ZCCHC8: variants seen among roughly 807,000 people sequenced by gnomAD.
ZCCHC8 encodes zinc finger CCHC domain-containing protein 8.
Under a neutral mutation model 70.6 loss-of-function variants are expected in ZCCHC8, and 27 were observed. The ratio of observed to expected loss-of-function variants is 0.38; its 90% confidence interval spans 0.28 to 0.53. The LOEUF (loss-of-function observed/expected upper bound fraction) is 0.53, where lower values mean the gene tolerates loss of function less well. Among genes scored for constraint, ZCCHC8 ranks in the 20% least tolerant of loss-of-function variants. ZCCHC8 has a pLI of 0.81. For missense variants in ZCCHC8, 737 were observed against 876.9 expected (o/e 0.84, Z 2.01); for synonymous variants, 293 against 317.4 (o/e 0.92, Z 0.82).
rs1158994437 is a variant in ZCCHC8 at position 122,482,084 on chromosome 12, G to A, written c.736C>T (p.Arg246Trp). Residue 246 changes from arginine to tryptophan, a missense_variant, in exon 9 of 14, where the codon CGG (arginine) becomes TGG (tryptophan). Transcript: ENST00000633063. The stretch of plus-strand genomic sequence containing the variant: ...TTTTCACTTATTCGAGCAGCATTCC[G>A]AGGCTACATCATGACACATTTGAAA... ...EHQMKDCPMP[R>W]NAARISEKRK... 5.6e-6 allele frequency: 9 copies of A among 1,605,934 alleles called. No homozygotes were observed. The highest frequency in any genetic ancestry group is 2.7e-5 in the African/African-American group (2 of 74,788).
chr12:122,478,269 T>C lies in ZCCHC8; in HGVS notation c.1164A>G (p.Ile388Met). The part of the protein sequence containing the change: ...IPDEWRIFGS[I>M]PMQACQQKDV... ...CCTTCTGCTGACATGCCTGCATTGG[T>C]ATGGAACCAAAGATCCTCCATTCCT... The change falls in exon 12 of 14, where the codon ATA (isoleucine) becomes ATG (methionine). Residue 388 changes from isoleucine to methionine, a missense_variant. Physicochemically the swap from Ile to Met is conservative, Grantham distance 10. Coordinates refer to ENST00000633063, the MANE Select transcript of ZCCHC8 (RefSeq NM_017612.5). The C allele has an allele frequency of 6.3e-7, 1 of 1,599,754 alleles. No homozygotes were observed. Among genetic ancestry groups the C allele is most frequent in the Non-Finnish European group, 8.5e-7 (1 of 1,173,120 alleles).
chr12:122,483,413 C>CT lies in ZCCHC8; in HGVS notation c.605+46dup. On this transcript the variant is annotated intron_variant, in intron 6 of 13. Transcript: ENST00000633063. The surrounding 1 kb of genome is among the most constrained non-coding windows in gnomAD (Gnocchi z 4.4). ...ATTTGGAAATTGTTTTAAAGGTGAA[C>CT]TTAGTGGCAAGATGCATAAAAGATC... 6.4e-7 allele frequency: 1 copy of CT among 1,569,884 alleles called. No homozygotes were observed. The highest frequency in any genetic ancestry group is 8.7e-7 in the Non-Finnish European group (1 of 1,155,318).
intron 5 of ZCCHC8, among the ~76,000 whole-genome samples, chr12:122,484,473 C>A (rs1051142035): frequency 4.7e-5 from 7 of 150,430 alleles, no homozygotes; most frequent in Non-Finnish European, 8.8e-5. Context: ...AATGCAGTGG[C>A]ATGATCTTGG....
Position 122,474,191 on chromosome 12 carries a change from C to T in ZCCHC8, c.1430G>A (p.Arg477Gln), listed in dbSNP as rs767163063. 1.9e-5 allele frequency: 28 copies of T among 1,510,450 alleles called. No individual in the cohort carries two copies. Among genetic ancestry groups the T allele is most frequent in the South Asian group, 1.4e-4 (10 of 70,494 alleles). 93.6% of individuals were successfully genotyped at this position (1,510,450 alleles called of 1,614,324 possible). A position where few individuals can be genotyped will look rare whatever the true frequency, so the allele number is the denominator to read the frequency against. Residue 477 changes from arginine to glutamine, a missense_variant, in exon 14 of 14, where the codon CGG becomes CAG. Transcript: ENST00000633063. ...PLPPDTPPLP[R>Q]GTPPPVFTPP... ...GGTGAAGACGGGTGGAGGAGTTCCC[C>T]GGGGGAGTGGAGGAGTGTCAGGAGG...
chr12:122,494,634 T>C (rs551386187), intron 2 of ZCCHC8, among the ~76,000 whole-genome samples: 4 of 151,212 alleles, frequency 2.6e-5, no homozygotes, highest in Non-Finnish European at 5.9e-5. Flanking sequence ...GGCGGGTGGA[T>C]CACAAGGTCA....
At chr12:122,492,416 T>C (rs912633556) in intron 3 of ZCCHC8, among the ~76,000 whole-genome samples, 1 of 152,222 alleles carries the variant, frequency 6.6e-6, no homozygotes, top group Non-Finnish European at 1.5e-5. Flanking sequence ...GAGGTGCTCA[T>C]GTAGCTACCC....
rs1274115772 is a variant in ZCCHC8, at chr12:122,498,844, G to A, written c.225C>T (p.Asn75=). 1 of 1,613,318 alleles carries A rather than the reference G, an allele frequency of 6.2e-7. No individual in the cohort carries two copies. The highest frequency in any genetic ancestry group is 2.2e-5 in the East Asian group (1 of 44,816). ...TCTCATACCTCGGTCGAGTCAGAATGTTCAATTTTCGTTTAAGTTCTTGAT... is the reference window on the plus strand; with the variant it reads ...TCTCATACCTCGGTCGAGTCAGAATATTCAATTTTCGTTTAAGTTCTTGAT... ...AENQELKRKL[N]ILTRPSGILV... The change falls in exon 2 of 14, where the codon AAC becomes AAT. Residue 75 remains asparagine, a synonymous_variant. Transcript: ENST00000633063.
chr12:122,474,386 T>C (rs1957376022), intron 13 of ZCCHC8, 111 bp from the exon 14 acceptor site: 3 of 999,948 alleles, frequency 3.0e-6, no homozygotes, highest in South Asian at 4.1e-5. Context: ...CAAAAATAAC[T>C]GGCTTAACAT....
intron 3 of ZCCHC8, among the ~76,000 whole-genome samples, chr12:122,491,279 C>T (rs1957736766): frequency 6.6e-6 from 1 of 152,154 alleles, no homozygotes; most frequent in South Asian, 2.1e-4. Context: ...GTAGCTCTGA[C>T]ATTTTAAGAT....
chr12:122,474,979 C>T (rs969747476), intron 13 of ZCCHC8, among the ~76,000 whole-genome samples: 6 of 151,808 alleles, frequency 4.0e-5, no homozygotes, highest in Non-Finnish European at 7.4e-5. Context: ...AGGTGATCCA[C>T]CTGCCTTGGC....
intron 12 of ZCCHC8, 83 bp downstream of exon 12, chr12:122,478,122 GA>G: frequency 7.5e-7 from 1 of 1,332,164 alleles, no homozygotes; most frequent in Non-Finnish European, 1.1e-6. Flanking sequence ...AACAAAGCAA[GA>G]AAAGGCTGTA....
At chr12:122,481,911 A>G (rs763983823) in intron 9 of ZCCHC8, 34 bp downstream of exon 9, 4 of 1,600,444 alleles carry the variant, frequency 2.5e-6, no homozygotes, top group Non-Finnish European at 3.4e-6. Flanking sequence ...TAGGGAAATA[A>G]AAATGACCTT....
intron 11 of ZCCHC8, chr12:122,478,563 G>A (rs1957468260): frequency 8.9e-6 from 3 of 338,158 alleles, no homozygotes; most frequent in Non-Finnish European, 1.6e-5. Context: ...ATGTAGGCAG[G>A]AGTGACTGCT....
At chr12:122,497,798 C>T (rs933193533) in intron 2 of ZCCHC8, among the ~76,000 whole-genome samples, 2 of 151,666 alleles carry the variant, frequency 1.3e-5, no homozygotes, top group Non-Finnish European at 2.9e-5. Flanking sequence ...CACTTCAGGC[C>T]AGGAGTTTGA....
At chr12:122,488,277 C>T (rs1015318258) in intron 5 of ZCCHC8, among the ~76,000 whole-genome samples, 2 of 152,086 alleles carry the variant, frequency 1.3e-5, no homozygotes, top group Admixed American at 6.6e-5. Context: ...AGTGATCCAT[C>T]GGCCTCAGCC....
chr12:122,482,975 C>T lies in ZCCHC8; in HGVS notation c.672-280G>A. On this transcript the variant is annotated intron_variant, in intron 7 of 13. Transcript: ENST00000633063. ...TAACAACGAAGAATCAAGGTGAACA[C>T]ATTGATCATATTTCCGTTAGGTAAC... The T allele has an allele frequency of 5.8e-6, 3 of 520,744 alleles. No individual in the cohort carries two copies. In the South Asian group the frequency reaches 8.7e-5, roughly 15 times the overall value. 32.3% of individuals were successfully genotyped at this position (520,744 alleles called of 1,614,324 possible). A position where few individuals can be genotyped will look rare whatever the true frequency, so the allele number is the denominator to read the frequency against.
intron 10 of ZCCHC8, 153 bp downstream of exon 10, chr12:122,481,369 C>T: frequency 9.6e-7 from 1 of 1,039,244 alleles, no homozygotes; most frequent in South Asian, 1.9e-5. Flanking sequence ...TTATTCCTTC[C>T]TTGTAAAATT....
Position 122,473,891 on chromosome 12 carries a change from G to C in ZCCHC8, c.1730C>G (p.Thr577Arg). 6.2e-7 allele frequency: 1 copy of C among 1,613,860 alleles called. No individual in the cohort carries two copies. The highest frequency in any genetic ancestry group is 8.5e-7 in the Non-Finnish European group (1 of 1,179,884). The change falls in exon 14 of 14, where the codon ACG becomes AGG. Residue 577 changes from threonine (T) to arginine (R), a missense_variant. Physicochemically the swap from Thr to Arg is moderately conservative, Grantham distance 71. Coordinates refer to ENST00000633063, the MANE Select transcript of ZCCHC8 (RefSeq NM_017612.5). ...VPEGKTSEKQTLDEPEVPEIF... is the reference protein window; with the variant it reads ...VPEGKTSEKQRLDEPEVPEIF... ...CTCTGGTACCTCAGGCTCATCCAGCGTCTGCTTTTCAGATGTTTTTCCCTC... is the reference window on the plus strand; with the variant it reads ...CTCTGGTACCTCAGGCTCATCCAGCCTCTGCTTTTCAGATGTTTTTCCCTC...
chr12:122,477,440 C>T (rs1246577245), intron 13 of ZCCHC8, among the ~76,000 whole-genome samples: 1 of 145,880 alleles, frequency 6.9e-6, no homozygotes, highest in African/African-American at 2.5e-5. Context: ...AGGCGTGAGC[C>T]ACCGCGCCCG....
Sources: gnomAD v4.1 joint callset for allele counts (sites outside exome capture counted in the v4.1 genomes callset) on GRCh38, gnomAD v4.1.1 for gene constraint, Gnocchi (gnomAD v3.1) non-coding constraint, MANE v1.5 for transcripts, NCBI Gene and HGNC (gene_info 2026-07-23, HGNC 2026-07-21) for gene names.